The following NUP210L variants were observed in gnomAD, a reference collection of about 807,000 sequenced individuals.
The protein encoded by NUP210L is nuclear pore membrane glycoprotein 210-like.
A neutral mutation model predicts 208.5 loss-of-function variants in NUP210L; 74 were observed. The observed-to-expected ratio is 0.35, with a 90% CI of 0.29 to 0.43. The LOEUF (loss-of-function observed/expected upper bound fraction) is 0.43. NUP210L is among the 20% of genes least tolerant of loss of function. The probability of loss-of-function intolerance (pLI) is 1.00; values close to 1 mark genes in which losing one functional copy is unlikely to be tolerated. For missense variants in NUP210L, 1,843 were observed against 2,289.4 expected, an observed-to-expected ratio of 0.81 and a Z score of 3.98; for synonymous variants, 780 against 816.9, an observed-to-expected ratio of 0.95 and a Z score of 0.77.
chr1:154,070,573 C>G, intron 16 of NUP210L, 108 bp from the exon 17 acceptor site: 1 of 781,020 alleles, frequency 1.3e-6, no homozygotes. Flanking sequence ...ATATTTTTAC[C>G]TTAAAAATTT....
exon 17 of NUP210L, chr1:154,070,352 T>G: frequency 6.2e-7 from 1 of 1,613,748 alleles, no homozygotes; most frequent in Non-Finnish European, 8.5e-7. Context: ...GGGCTAGTGT[T>G]TCATTGGAGG....
Position 154,134,730 on chromosome 1 carries a change from G to A in NUP210L, c.1009+1084C>T, listed in dbSNP as rs1223789027. On this transcript the variant is annotated intron_variant, in intron 7 of 39. Transcript: ENST00000368559. ...CCGGCCTGGGCGACAGCGAGACTCCGTCTCAAAAAAAAAAAAAAAAAAAAG... is the reference window on the plus strand; with the variant it reads ...CCGGCCTGGGCGACAGCGAGACTCCATCTCAAAAAAAAAAAAAAAAAAAAG... Among the ~76,000 whole-genome samples, 43 of 10,194 alleles carry A rather than the reference G, an allele frequency of 4.2e-3. 1 individual carries two copies. The highest frequency in any genetic ancestry group is 0.015 in the Admixed American group (7 of 464). The allele number at this position is 10,194 out of a possible 152,430, so 6.7% of individuals were successfully genotyped here. A position where few individuals can be genotyped will look rare whatever the true frequency, so the allele number is the denominator to read the frequency against.
At position 154,146,553 on chromosome 1, in the gene NUP210L, G is replaced by C. The variant is rs531720143; in HGVS notation, c.341-2976C>G. On this transcript the variant is annotated intron_variant, in intron 2 of 39. Transcript: ENST00000368559. ...AGGCTGAGGTGGAAGAATCGCTTGA[G>C]CCTGGGTGGTCAAGGCTGCAGTGAG... Among the ~76,000 whole-genome samples the C allele has an allele frequency of 6.7e-4, 101 of 151,562 alleles. 1 individual carries two copies. Among genetic ancestry groups the C allele is most frequent in the African/African-American group, 2.4e-3 (99 of 41,366 alleles).
intron 12 of NUP210L, among the ~76,000 whole-genome samples, chr1:154,106,619 G>T (rs1332389693): frequency 3.3e-5 from 5 of 152,240 alleles, no homozygotes; most frequent in Admixed American, 6.5e-5. Context: ...CCACAGAGGG[G>T]CTTGTGTAAC....
chr1:154,066,984 C>T (rs545534782), intron 17 of NUP210L, among the ~76,000 whole-genome samples: 38 of 152,182 alleles, frequency 2.5e-4, no homozygotes, highest in African/African-American at 7.9e-4. Context: ...CAGGACCAGA[C>T]GGATTCACAG....
chr1:154,125,202 C>T lies in NUP210L; in HGVS notation c.1326+1121G>A, dbSNP rs185032345. On this transcript the variant is annotated intron_variant, in intron 10 of 39. Coordinates refer to ENST00000368559, the Ensembl canonical transcript of NUP210L. ...TGGTGGCTCATGCCTGTAATCCCAG[C>T]ACTTTGGGAGGGTGAGGCGGGTGAA... Among the ~76,000 whole-genome samples the T allele has an allele frequency of 3.9e-3, 588 of 152,080 alleles. 11 individuals carry two copies. The highest frequency in any genetic ancestry group is 0.03 in the Admixed American group (465 of 15,262).
intron 16 of NUP210L, among the ~76,000 whole-genome samples, chr1:154,071,723 C>G (rs199854411): frequency 8.6e-5 from 13 of 150,394 alleles, no homozygotes; most frequent in Non-Finnish European, 5.9e-5. Context: ...GCAACCTCCG[C>G]CTCCTGGGTT....
intron 33 of NUP210L, among the ~76,000 whole-genome samples, chr1:154,016,741 C>T (rs1468763755): frequency 2.0e-5 from 3 of 152,010 alleles, no homozygotes; most frequent in Non-Finnish European, 2.9e-5. Context: ...CTCAGGAGTT[C>T]GAGACCAGCA....
At chr1:154,152,699 G>C (rs1407327025) in intron 2 of NUP210L, 37 bp downstream of exon 2, 2 of 1,586,568 alleles carry the variant, frequency 1.3e-6, no homozygotes, top group Admixed American at 3.4e-5. Flanking sequence ...TTCTACCCCA[G>C]AAGAAGTGAT....
At chr1:154,044,416 A>AG (rs1248302638) in intron 27 of NUP210L, among the ~76,000 whole-genome samples, 2 of 151,592 alleles carry the variant, frequency 1.3e-5, no homozygotes, top group Non-Finnish European at 1.5e-5. Flanking sequence ...TCAAAAAAAA[A>AG]AAAAGAAAAA....
intron 16 of NUP210L, among the ~76,000 whole-genome samples, chr1:154,073,051 C>T (rs1427687208): frequency 2.0e-5 from 3 of 152,256 alleles, no homozygotes; most frequent in Admixed American, 6.5e-5. Flanking sequence ...CCGGAATCTA[C>T]AATGAACTCC....
chr1:154,086,894 T>G (rs1336190209), intron 16 of NUP210L, among the ~76,000 whole-genome samples: 1 of 151,910 alleles, frequency 6.6e-6, no homozygotes, highest in African/African-American at 2.4e-5. Flanking sequence ...GAGACTTGTA[T>G]GTAGACTATA....
At chr1:154,000,815 T>G (rs774748363) in intron 37 of NUP210L, 41 bp downstream of exon 37, 3 of 1,556,600 alleles carry the variant, frequency 1.9e-6, no homozygotes, top group Non-Finnish European at 2.7e-6. Context: ...TTCTTTCTTC[T>G]TTTCCTCTCT....
In NUP210L at chr1:154,117,799, C is replaced by A. The variant is rs1657407726; in HGVS notation, c.1546G>T (p.Ala516Ser). 6.2e-7 allele frequency: 1 copy of A among 1,612,496 alleles called. No homozygotes were observed. Among genetic ancestry groups the A allele is most frequent in the Admixed American group, 1.7e-5 (1 of 60,000 alleles). Residue 516 changes from alanine to serine, a missense_variant, in exon 12 of 40, where the codon GCA becomes TCA. Physicochemically the swap from Ala to Ser is moderately conservative, Grantham distance 99. Coordinates refer to ENST00000368559, the Ensembl canonical transcript of NUP210L. The stretch of plus-strand genomic sequence containing the variant: ...GTACTATTCCCCCTGACCTGACCTG[C>A]AGTCACCACTCCTTTCGTGGTTACT...
In NUP210L at chr1:154,027,095, AAC is replaced by A. The variant is rs1365568631; in HGVS notation, c.3947+409_3947+410del. Among the ~76,000 whole-genome samples the A allele has an allele frequency of 1.1e-3, 118 of 104,446 alleles. 2 individuals carry two copies. The highest frequency in any genetic ancestry group is 7.4e-3 in the South Asian group (23 of 3,108). The allele number at this position is 104,446 out of a possible 152,430, so 68.5% of individuals were successfully genotyped here. On this transcript the variant is annotated intron_variant, in intron 29 of 39. Transcript: ENST00000368559. ...GAGACTGTCTCAAAAAAAAAAAAAA[AAC>A]AAAAAAAAAAAAACAAAAAACACAA...
At chr1:154,136,874 C>T (rs1474581018) in intron 6 of NUP210L, among the ~76,000 whole-genome samples, 1 of 125,418 alleles carries the variant, frequency 8.0e-6, no homozygotes, top group Non-Finnish European at 1.6e-5. Flanking sequence ...GAGCCGAGAT[C>T]ATGCCACTGC....
At chr1:154,070,328 A>G (rs373696157) in exon 17 of NUP210L, 1 of 1,613,206 alleles carries the variant, frequency 6.2e-7, no homozygotes, top group East Asian at 2.2e-5. Context: ...CCACTGATTT[A>G]TAATCTTCGA....
intron 20 of NUP210L, among the ~76,000 whole-genome samples, chr1:154,059,117 T>C (rs1654013746): frequency 6.6e-6 from 1 of 151,968 alleles, no homozygotes; most frequent in Admixed American, 6.6e-5. Context: ...AGAGGATTGC[T>C]TGAGCCCTGG....
chr1:154,035,402 CTT>C (rs879393243), intron 27 of NUP210L, among the ~76,000 whole-genome samples: 1 of 143,434 alleles, frequency 7.0e-6, no homozygotes, highest in Non-Finnish European at 1.5e-5. Context: ...ATTTTTTCTA[CTT>C]TTTTTTTTTT....
Sources: allele counts gnomAD v4.1 joint callset (sites outside exome capture counted in the v4.1 genomes callset), GRCh38; gene constraint gnomAD v4.1.1; transcripts MANE v1.5; gene names NCBI Gene and HGNC (gene_info 2026-07-23, HGNC 2026-07-21).